CREG2: variants seen among roughly 807,000 people sequenced by gnomAD.
The protein encoded by CREG2 is protein CREG2.
A neutral mutation model predicts 26.2 loss-of-function variants in CREG2; 24 were observed. The observed-to-expected ratio is 0.92, with a 90% CI of 0.66 to 1.29. The LOEUF is 1.29. Among genes scored for constraint, CREG2 ranks in the 50% most tolerant of loss-of-function variants. The pLI is 0.00. For synonymous variants in CREG2, 174 were observed against 169.2 expected (o/e 1.03, Z -0.22); for missense variants, 366 against 398.6 (o/e 0.92, Z 0.70).
At chr2:101,385,262 A>C (rs1381019453) in intron 1 of CREG2, among the ~76,000 whole-genome samples, 1 of 152,114 alleles carries the variant, frequency 6.6e-6, no homozygotes, top group Non-Finnish European at 1.5e-5. Context: ...GGCTCACTGC[A>C]GCCTCCGTCT....
intron 2 of CREG2, among the ~76,000 whole-genome samples, chr2:101,369,520 G>C (rs922494740): frequency 6.6e-6 from 1 of 152,154 alleles, no homozygotes; most frequent in African/African-American, 2.4e-5. Context: ...ATGAATGGAG[G>C]TTTGAGGGTA....
chr2:101,357,976 C>CAA (rs70943078), intron 2 of CREG2, among the ~76,000 whole-genome samples: 1 of 121,768 alleles, frequency 8.2e-6, no homozygotes, highest in African/African-American at 3.5e-5. Flanking sequence ...GACTCCGTCT[C>CAA]AAAAAAAAAA....
At chr2:101,363,227 A>C (rs1173362537) in intron 2 of CREG2, among the ~76,000 whole-genome samples, 1 of 152,186 alleles carries the variant, frequency 6.6e-6, no homozygotes, top group Non-Finnish European at 1.5e-5. Context: ...AATGCTTCTG[A>C]ATTGGGAGAA....
intron 3 of CREG2, among the ~76,000 whole-genome samples, chr2:101,354,586 A>G (rs556977828): frequency 6.6e-6 from 1 of 152,158 alleles, no homozygotes; most frequent in South Asian, 2.1e-4. Flanking sequence ...CCCAGCTCCG[A>G]GCCTGCACTT....
At chr2:101,373,570 T>C (rs991500094) in intron 2 of CREG2, among the ~76,000 whole-genome samples, 1 of 152,198 alleles carries the variant, frequency 6.6e-6, no homozygotes, top group Admixed American at 6.5e-5. Context: ...TGGAGTCATG[T>C]CTAACAGATA....
chr2:101,350,608 G>T lies in CREG2; in HGVS notation c.*315C>A. The T allele has an allele frequency of 4.6e-6, 1 of 216,860 alleles. No homozygotes were observed. The highest frequency in any genetic ancestry group is 9.0e-6 in the Non-Finnish European group (1 of 111,278). 13.4% of individuals were successfully genotyped at this position (216,860 alleles called of 1,614,324 possible). A position where few individuals can be genotyped will look rare whatever the true frequency, so the allele number is the denominator to read the frequency against. On this transcript the variant is annotated 3_prime_UTR_variant, in exon 4 of 4. Transcript: ENST00000324768. ...GCATTTTTTTTTTTCCTTAAACAAT[G>T]AAACAACAATGATCTCAACATGTCA...
chr2:101,350,857 G>A lies in CREG2; in HGVS notation c.*66C>T. 6.5e-7 allele frequency: 1 copy of A among 1,533,154 alleles called. No homozygotes were observed. The highest frequency in any genetic ancestry group is 1.2e-5 in the South Asian group (1 of 85,672). The allele number at this position is 1,533,154 out of a possible 1,614,324, so 95.0% of individuals were successfully genotyped here. A position where few individuals can be genotyped will look rare whatever the true frequency, so the allele number is the denominator to read the frequency against. On this transcript the variant is annotated 3_prime_UTR_variant, in exon 4 of 4. Coordinates refer to ENST00000324768, the MANE Select transcript of CREG2 (RefSeq NM_153836.4). ...AACAAAGAGACAGTGGTCAATAGCT[G>A]TCTGGCTGCATCACTGAAAAGGTTT...
At chr2:101,357,798 A>G (rs1684483771) in intron 2 of CREG2, among the ~76,000 whole-genome samples, 1 of 151,730 alleles carries the variant, frequency 6.6e-6, no homozygotes, top group Admixed American at 6.6e-5. Flanking sequence ...ACAGGGGTGC[A>G]GCCAGGCCTG....
chr2:101,383,448 C>T (rs528525306), intron 2 of CREG2, 85 bp downstream of exon 2: 2 of 1,301,930 alleles, frequency 1.5e-6, no homozygotes, highest in Admixed American at 4.1e-5. Flanking sequence ...CTGTTAAAGT[C>T]ATGTGACCCA....
intron 2 of CREG2, among the ~76,000 whole-genome samples, chr2:101,376,814 GA>G (rs1205455381): frequency 2.0e-5 from 3 of 152,134 alleles, no homozygotes; most frequent in Non-Finnish European, 4.4e-5. Context: ...TGGACAGAGG[GA>G]AATACTGTTA....
At position 101,378,998 on chromosome 2, in the gene CREG2, T is replaced by G. The variant is rs139050384; in HGVS notation, c.611+4535A>C. ...TCTAGCCTGGGCGACAGAGTGAGAC[T>G]CCATCTCAAAAAAAAAAAGAAAAAA... On this transcript the variant is annotated intron_variant, in intron 2 of 3. Coordinates refer to ENST00000324768, the MANE Select transcript of CREG2 (RefSeq NM_153836.4). Among the ~76,000 whole-genome samples the G allele has an allele frequency of 3.2e-3, 480 of 148,288 alleles. 3 individuals carry two copies. Among genetic ancestry groups the G allele is most frequent in the African/African-American group, 0.011 (427 of 39,594 alleles).
intron 2 of CREG2, among the ~76,000 whole-genome samples, chr2:101,365,741 A>C (rs574433031): frequency 6.6e-6 from 1 of 152,104 alleles, no homozygotes; most frequent in South Asian, 2.1e-4. Context: ...TCTCCCATAT[A>C]TGTATTTTTC....
rs1218797137 is a variant in CREG2, at chr2:101,346,459, T to C, written c.*4464A>G. On this transcript the variant is annotated 3_prime_UTR_variant, in exon 4 of 4. Coordinates refer to ENST00000324768, the MANE Select transcript of CREG2 (RefSeq NM_153836.4). ...CGTGTTTATATCAGAAATTCGAAGA[T>C]GTCCTCTCCTCCTAAGTGACCCACT... is the stretch of plus-strand genomic sequence containing the variant. 2.6e-5 allele frequency: 4 copies of C among 152,216 alleles called. No homozygotes were observed. The highest frequency in any genetic ancestry group is 9.6e-5 in the African/African-American group (4 of 41,464). 9.4% of individuals were successfully genotyped at this position (152,216 alleles called of 1,614,324 possible).
chr2:101,365,449 C>A (rs961504282), intron 2 of CREG2, among the ~76,000 whole-genome samples: 1 of 152,162 alleles, frequency 6.6e-6, no homozygotes, highest in Non-Finnish European at 1.5e-5. Flanking sequence ...CAATAGTTCC[C>A]TGATTCATCA....
At chr2:101,356,048 G>A (rs1684453257) in intron 2 of CREG2, among the ~76,000 whole-genome samples, 1 of 152,076 alleles carries the variant, frequency 6.6e-6, no homozygotes, top group Non-Finnish European at 1.5e-5. Flanking sequence ...AGTGGAAGTG[G>A]CTCTCAGCAG....
At chr2:101,356,487 C>A (rs1003739190) in intron 2 of CREG2, among the ~76,000 whole-genome samples, 2 of 152,124 alleles carry the variant, frequency 1.3e-5, no homozygotes, top group African/African-American at 4.8e-5. Flanking sequence ...TAAGAGTTCA[C>A]AAAATAATAT....
At chr2:101,376,423 C>A (rs1250257052) in intron 2 of CREG2, among the ~76,000 whole-genome samples, 1 of 151,880 alleles carries the variant, frequency 6.6e-6, no homozygotes. Context: ...GACTACCGGC[C>A]CCCACCACCA....
rs1259931054 is a variant in CREG2, at chr2:101,347,921, A to G, written c.*3002T>C. On this transcript the variant is annotated 3_prime_UTR_variant, in exon 4 of 4. Transcript: ENST00000324768. Reference sequence around the variant, plus strand: ...GCCCTAGTTCCAAAAGATTTTCTATATCCTATAGTTTTATAGTTTTACATT... The same window carrying G: ...GCCCTAGTTCCAAAAGATTTTCTATGTCCTATAGTTTTATAGTTTTACATT... The G allele has an allele frequency of 6.6e-6, 1 of 152,190 alleles. No individual in the cohort carries two copies. The highest frequency in any genetic ancestry group is 1.9e-4 in the East Asian group (1 of 5,200). The allele number at this position is 152,190 out of a possible 1,614,324, so 9.4% of individuals were successfully genotyped here.
intron 2 of CREG2, among the ~76,000 whole-genome samples, chr2:101,357,686 T>C (rs1022595453): frequency 6.6e-6 from 1 of 152,150 alleles, no homozygotes; most frequent in Non-Finnish European, 1.5e-5. Context: ...CTCATTTTGT[T>C]TGATCTTCAT....
Sources: allele counts gnomAD v4.1 joint callset (sites outside exome capture counted in the v4.1 genomes callset), GRCh38; gene constraint gnomAD v4.1.1; transcripts MANE v1.5; gene names NCBI Gene and HGNC (gene_info 2026-07-23, HGNC 2026-07-21).